CNTN4: variants seen among roughly 807,000 people sequenced by gnomAD.
The protein encoded by CNTN4 is contactin-4.
A neutral mutation model predicts 122.5 loss-of-function variants in CNTN4; 77 were observed. The ratio of observed to expected loss-of-function variants is 0.63; its 90% CI spans 0.52 to 0.76. The LOEUF (loss-of-function observed/expected upper bound fraction) is 0.76, where lower values mean the gene tolerates loss of function less well. Among genes scored for constraint, CNTN4 ranks in the 30% least tolerant of loss-of-function variants. CNTN4 has a pLI of 0.00. For synonymous variants in CNTN4, 512 were observed against 447.0 expected (o/e 1.15, Z -1.83); for missense variants, 1,256 against 1,259.1 (o/e 1.00, Z 0.04).
At chr3:2,571,387 C>G (rs1451247216) in intron 3 of CNTN4, 29 bp from the exon 4 acceptor site, 2 of 766,784 alleles carry the variant, frequency 2.6e-6, no homozygotes, top group Non-Finnish European at 4.7e-6. Context: ...ATTCCCAAAT[C>G]TCATTGTAAT....
At chr3:2,762,769 T>C (rs2090648131) in intron 6 of CNTN4, among the ~76,000 whole-genome samples, 1 of 152,294 alleles carries the variant, frequency 6.6e-6, no homozygotes, top group Non-Finnish European at 1.5e-5. Flanking sequence ...TCCACAATGC[T>C]TGAATTAATT....
chr3:2,196,961 C>T (rs2037863418), intron 2 of CNTN4, among the ~76,000 whole-genome samples: 1 of 149,838 alleles, frequency 6.7e-6, no homozygotes, highest in Admixed American at 6.7e-5. Flanking sequence ...AGGAGAATCG[C>T]TTGAACCCAG....
chr3:2,312,745 A>G (rs969215403), intron 2 of CNTN4, among the ~76,000 whole-genome samples: 1 of 152,062 alleles, frequency 6.6e-6, no homozygotes, highest in African/African-American at 2.4e-5. Flanking sequence ...AATGTTGGAG[A>G]AACCAGTGTT....
chr3:2,113,612 A>C (rs1481395502), intron 2 of CNTN4, among the ~76,000 whole-genome samples: 1 of 152,228 alleles, frequency 6.6e-6, no homozygotes, highest in Non-Finnish European at 1.5e-5. Flanking sequence ...TTAATTGTAT[A>C]GTAAGGACCC....
chr3:2,328,146 T>C (rs919905991), intron 2 of CNTN4, among the ~76,000 whole-genome samples: 11 of 152,094 alleles, frequency 7.2e-5, no homozygotes, highest in Admixed American at 6.6e-4. Context: ...TGGCCGGGCG[T>C]GGTAATCCCA....
intron 2 of CNTN4, among the ~76,000 whole-genome samples, chr3:2,204,727 A>G (rs2038261619): frequency 6.6e-6 from 1 of 152,092 alleles, no homozygotes. Flanking sequence ...CCTACTCACT[A>G]TTCTCAAAGG....
intron 4 of CNTN4, among the ~76,000 whole-genome samples, chr3:2,672,895 TG>T (rs1266754305): frequency 6.6e-6 from 1 of 152,212 alleles, no homozygotes; most frequent in Non-Finnish European, 1.5e-5. Flanking sequence ...ATTAAGAATC[TG>T]TCCTTGCCCA....
intron 6 of CNTN4, among the ~76,000 whole-genome samples, chr3:2,754,399 C>G (rs1034979512): frequency 1.3e-5 from 2 of 152,130 alleles, no homozygotes; most frequent in Non-Finnish European, 2.9e-5. Context: ...CAAAATCTGG[C>G]TACCTGCCTG....
chr3:2,779,011 A>C (rs958048), intron 6 of CNTN4, among the ~76,000 whole-genome samples: 40,678 of 152,064 alleles, frequency 0.27, 6,027 homozygotes, highest in African/African-American at 0.39. Context: ...TTAGCCTCTT[A>C]ATGCCCCATA....
At chr3:2,913,629 G>A (rs1216347560) in intron 12 of CNTN4, among the ~76,000 whole-genome samples, 1 of 152,148 alleles carries the variant, frequency 6.6e-6, no homozygotes, top group African/African-American at 2.4e-5. Context: ...TTAGAAATCT[G>A]TATGCACCTA....
intron 3 of CNTN4, among the ~76,000 whole-genome samples, chr3:2,426,185 T>C (rs559832200): frequency 6.6e-6 from 1 of 152,328 alleles, no homozygotes; most frequent in South Asian, 2.1e-4. Flanking sequence ...GCCCATTCAG[T>C]ATGATGTTAG....
chr3:2,882,254 A>C (rs1329927993), intron 8 of CNTN4, among the ~76,000 whole-genome samples: 1 of 151,968 alleles, frequency 6.6e-6, no homozygotes, highest in Non-Finnish European at 1.5e-5. Flanking sequence ...AGTCCTAGCA[A>C]CTCGGGGAGG....
intron 3 of CNTN4, among the ~76,000 whole-genome samples, chr3:2,394,700 C>A (rs1356155377): frequency 6.6e-6 from 1 of 151,692 alleles, no homozygotes; most frequent in Non-Finnish European, 1.5e-5. Flanking sequence ...TATGCTATGA[C>A]TCAGCCATTA....
At chr3:2,369,217 C>T (rs189589059) in intron 3 of CNTN4, among the ~76,000 whole-genome samples, 2 of 152,312 alleles carry the variant, frequency 1.3e-5, no homozygotes, top group Admixed American at 1.3e-4. Flanking sequence ...GCCACCACAC[C>T]TGGCCCCAAA....
intron 6 of CNTN4, among the ~76,000 whole-genome samples, chr3:2,749,569 C>A (rs1576653867): frequency 6.6e-6 from 1 of 152,124 alleles, no homozygotes; most frequent in Non-Finnish European, 1.5e-5. Flanking sequence ...CTGAGACTAT[C>A]TTGTCCATCC....
intron 13 of CNTN4, among the ~76,000 whole-genome samples, chr3:2,983,852 A>T (rs942145256): frequency 6.6e-6 from 1 of 152,204 alleles, no homozygotes; most frequent in African/African-American, 2.4e-5. Context: ...CCACATTTGG[A>T]TAATAGTAAG....
intron 2 of CNTN4, among the ~76,000 whole-genome samples, chr3:2,136,717 G>T (rs1366814487): frequency 6.6e-6 from 1 of 151,708 alleles, no homozygotes; most frequent in African/African-American, 2.4e-5. Context: ...GAAATCCAAG[G>T]GTATTCCAGT....
intron 4 of CNTN4, among the ~76,000 whole-genome samples, chr3:2,676,963 T>G (rs938483932): frequency 1.3e-5 from 2 of 152,148 alleles, no homozygotes; most frequent in African/African-American, 2.4e-5. Context: ...AATCTGTAAA[T>G]GAAATCTTCA....
At chr3:2,200,513 G>A (rs1325845795) in intron 2 of CNTN4, among the ~76,000 whole-genome samples, 5 of 151,926 alleles carry the variant, frequency 3.3e-5, no homozygotes, top group African/African-American at 1.2e-4. Flanking sequence ...TACAACCCAG[G>A]GTCCAAAACA....
Sources: gnomAD v4.1 joint callset for allele counts (sites outside exome capture counted in the v4.1 genomes callset) on GRCh38, gnomAD v4.1.1 for gene constraint, MANE v1.5 for transcripts, NCBI Gene and HGNC (gene_info 2026-07-23, HGNC 2026-07-21) for gene names.